MAGI3: variants seen among roughly 807,000 people sequenced by gnomAD.
MAGI3 encodes membrane-associated guanylate kinase, WW and PDZ domain-containing protein 3.
MAGI3 carries 43 observed loss-of-function variants against 121.8 expected under a neutral mutation model. The observed-to-expected ratio is 0.35, with a 90% confidence interval of 0.28 to 0.46. The LOEUF is 0.46. Among genes scored for constraint, MAGI3 ranks in the 20% least tolerant of loss-of-function variants. MAGI3 has a pLI of 1.00. For synonymous variants in MAGI3, 553 were observed against 639.3 expected, an observed-to-expected ratio of 0.86 and a Z score of 2.04; for missense variants, 1,547 against 1,797.3, an observed-to-expected ratio of 0.86 and a Z score of 2.52.
intron 19 of MAGI3, among the ~76,000 whole-genome samples, chr1:113,674,085 G>A (rs189731502): frequency 1.9e-4 from 29 of 152,288 alleles, no homozygotes; most frequent in African/African-American, 6.5e-4. Context: ...TAATTAAAGA[G>A]GAATCTTATA....
At chr1:113,435,434 G>A (rs1192891683) in intron 1 of MAGI3, among the ~76,000 whole-genome samples, 2 of 151,984 alleles carry the variant, frequency 1.3e-5, no homozygotes, top group African/African-American at 4.8e-5. Context: ...GTGCAAATTT[G>A]GAAGTGTCAG....
At chr1:113,483,601 T>C (rs1182013086) in intron 1 of MAGI3, among the ~76,000 whole-genome samples, 2 of 152,184 alleles carry the variant, frequency 1.3e-5, no homozygotes, top group Non-Finnish European at 2.9e-5. Flanking sequence ...TATTCCGTTA[T>C]AGTAGCCCAG....
intron 2 of MAGI3, among the ~76,000 whole-genome samples, chr1:113,578,230 A>G (rs1045870315): frequency 4.6e-5 from 7 of 152,174 alleles, no homozygotes; most frequent in African/African-American, 1.7e-4. Context: ...ATGGAAGTCT[A>G]GATCCCTAAA....
At chr1:113,485,842 A>G (rs1377959125) in intron 1 of MAGI3, among the ~76,000 whole-genome samples, 2 of 152,154 alleles carry the variant, frequency 1.3e-5, no homozygotes, top group African/African-American at 4.8e-5. Flanking sequence ...ATTTCTGTAT[A>G]AGGTGAGAGA....
intron 3 of MAGI3, among the ~76,000 whole-genome samples, chr1:113,584,836 T>G (rs1212579668): frequency 1.3e-5 from 2 of 152,240 alleles, no homozygotes; most frequent in Non-Finnish European, 1.5e-5. Context: ...AAACAAATAG[T>G]ATTAAGATAT....
chr1:113,426,950 C>CTA (rs895132584), intron 1 of MAGI3, among the ~76,000 whole-genome samples: 2 of 151,550 alleles, frequency 1.3e-5, no homozygotes, highest in African/African-American at 4.9e-5. Flanking sequence ...ATATCTGTAT[C>CTA]TATCTATATA....
chr1:113,411,998 T>C (rs1652023657), intron 1 of MAGI3, among the ~76,000 whole-genome samples: 2 of 151,778 alleles, frequency 1.3e-5, no homozygotes, highest in Admixed American at 1.3e-4. Context: ...ACATTAGGTA[T>C]TTCTCCTAAT....
At chr1:113,409,071 T>C (rs1651833966) in intron 1 of MAGI3, among the ~76,000 whole-genome samples, 1 of 152,090 alleles carries the variant, frequency 6.6e-6, no homozygotes, top group African/African-American at 2.4e-5. Context: ...AAACACTTTC[T>C]ATACTGGAAG....
intron 10 of MAGI3, among the ~76,000 whole-genome samples, chr1:113,643,029 T>A (rs1243933089): frequency 6.6e-6 from 1 of 152,250 alleles, no homozygotes; most frequent in Non-Finnish European, 1.5e-5. Flanking sequence ...CATCTTAAGC[T>A]CTAGTATCTG....
chr1:113,401,886 T>C (rs1651423441), intron 1 of MAGI3, among the ~76,000 whole-genome samples: 2 of 152,206 alleles, frequency 1.3e-5, no homozygotes, highest in Admixed American at 6.6e-5. Context: ...AGATGGATCC[T>C]TTGAAGAGGC....
chr1:113,432,621 G>C (rs771318031), intron 1 of MAGI3, among the ~76,000 whole-genome samples: 8 of 151,554 alleles, frequency 5.3e-5, no homozygotes, highest in Non-Finnish European at 1.0e-4. Flanking sequence ...TTCCTAAGTA[G>C]CTGGGACTAT....
Position 113,419,563 on chromosome 1 carries a change from G to A in MAGI3, c.316+28214G>A, listed in dbSNP as rs911557166. ...GAGGCTCTTTTGGGCTGGGGGTGTA[G>A]AGTGCAGGGCTAGGAGGAAGAGAAA... On this transcript the variant is annotated intron_variant, in intron 1 of 20. Coordinates refer to ENST00000307546, the MANE Select transcript of MAGI3 (RefSeq NM_001142782.2). Among the ~76,000 whole-genome samples the A allele has an allele frequency of 2.0e-5, 3 of 152,176 alleles. 1 individual carries two copies. Among genetic ancestry groups the A allele is most frequent in the South Asian group, 4.1e-4 (2 of 4,820 alleles).
chr1:113,584,966 C>CAATTTTTTTTTTTTTTTTTTTTTTTTTTT lies in MAGI3; in HGVS notation c.554-421_554-420insAATTTTTTTTTTTTTTTTTTTTTTTTTTT, dbSNP rs61622151. Among the ~76,000 whole-genome samples, 2 of 110,730 alleles carry CAATTTTTTTTTTTTTTTTTTTTTTTTTTT rather than the reference C, an allele frequency of 1.8e-5. 1 individual carries two copies. The highest frequency in any genetic ancestry group is 3.6e-5 in the Non-Finnish European group (2 of 55,700). 72.6% of individuals were successfully genotyped at this position (110,730 alleles called of 152,430 possible). ...TCCTTTTGGCCAATGGTAGATATTT[C>CAATTTTTTTTTTTTTTTTTTTTTTTTTTT]CTTTTTTTTTTTTTTTTTTTTTTGA... On this transcript the variant is annotated intron_variant, in intron 3 of 20. Coordinates refer to ENST00000307546, the MANE Select transcript of MAGI3 (RefSeq NM_001142782.2).
intron 13 of MAGI3, among the ~76,000 whole-genome samples, chr1:113,650,617 T>C (rs185045783): frequency 1.3e-5 from 2 of 152,372 alleles, no homozygotes; most frequent in East Asian, 3.9e-4. Context: ...ATGATCCCAG[T>C]TGCTGTGAAC....
chr1:113,658,694 T>C lies in MAGI3; in HGVS notation c.2630-386T>C, dbSNP rs1051182310. Among the ~76,000 whole-genome samples, 2 of 152,196 alleles carry C rather than the reference T, an allele frequency of 1.3e-5. No homozygotes were observed. Among genetic ancestry groups the C allele is most frequent in the African/African-American group, 4.8e-5 (2 of 41,456 alleles). On this transcript the variant is annotated intron_variant, in intron 15 of 20. Coordinates refer to ENST00000307546, the MANE Select transcript of MAGI3 (RefSeq NM_001142782.2). The surrounding 1 kb of genome is among the most constrained non-coding windows in gnomAD (Gnocchi z 4.0). Reference sequence around the variant, plus strand: ...TTATCGTAGCAGTTTTTAAAATAGCTAAAAACTTGTTGCAGCTTAAATGGC... The same window carrying C: ...TTATCGTAGCAGTTTTTAAAATAGCCAAAAACTTGTTGCAGCTTAAATGGC...
intron 3 of MAGI3, among the ~76,000 whole-genome samples, chr1:113,584,121 TTAA>T (rs1441758391): frequency 6.6e-6 from 1 of 152,168 alleles, no homozygotes; most frequent in Non-Finnish European, 1.5e-5. Flanking sequence ...AATGAGCATC[TTAA>T]TTACTTCCTT....
At chr1:113,506,576 A>G (rs570051291) in intron 1 of MAGI3, among the ~76,000 whole-genome samples, 1 of 152,338 alleles carries the variant, frequency 6.6e-6, no homozygotes, top group Non-Finnish European at 1.5e-5. Flanking sequence ...TATTGGTTTA[A>G]GTGCTTTTGC....
At chr1:113,618,352 T>G (rs140554784) in intron 7 of MAGI3, among the ~76,000 whole-genome samples, 453 of 151,976 alleles carry the variant, frequency 3.0e-3, no homozygotes, top group Middle Eastern at 6.8e-3. Context: ...AAAAAATAAA[T>G]AAAGAAATAA....
At chr1:113,413,827 G>C (rs1042220027) in intron 1 of MAGI3, among the ~76,000 whole-genome samples, 6 of 152,156 alleles carry the variant, frequency 3.9e-5, no homozygotes, top group Admixed American at 3.9e-4. Context: ...TCTGCAAACA[G>C]GGACAATTTG....
Sources: gnomAD v4.1 joint callset for allele counts (sites outside exome capture counted in the v4.1 genomes callset) on GRCh38, gnomAD v4.1.1 for gene constraint, Gnocchi (gnomAD v3.1) non-coding constraint, MANE v1.5 for transcripts, NCBI Gene and HGNC (gene_info 2026-07-23, HGNC 2026-07-21) for gene names.